RIN2: variants seen among roughly 807,000 people sequenced by gnomAD.
The protein encoded by RIN2 is Ras and Rab interactor 2, also known as RAB5 interacting protein 2.
A neutral mutation model predicts 78.0 loss-of-function variants in RIN2; 36 were observed. The observed-to-expected ratio is 0.46, with a 90% CI of 0.35 to 0.61. The LOEUF (loss-of-function observed/expected upper bound fraction) is 0.61. RIN2 is among the 20% of genes least tolerant of loss of function. The pLI, the probability that RIN2 is intolerant of heterozygous loss-of-function variation, is 0.00. For missense variants in RIN2, 1,087 were observed against 1,159.7 expected (o/e 0.94, Z 0.91); for synonymous variants, 466 against 466.8 (o/e 1.00, Z 0.02).
chr20:19,943,621 T>C (rs566984443), intron 4 of RIN2, among the ~76,000 whole-genome samples: 1 of 152,310 alleles, frequency 6.6e-6, no homozygotes, highest in East Asian at 1.9e-4. Flanking sequence ...ACTTGCTTGC[T>C]CTAGGGAAAC....
At chr20:19,809,636 G>A (rs1394400717) in intron 2 of RIN2, 1 of 152,342 alleles carries the variant, frequency 6.6e-6, no homozygotes, top group Admixed American at 6.5e-5. Context: ...TGATCAGCGA[G>A]CAGGCCTCTC....
intron 3 of RIN2, among the ~76,000 whole-genome samples, chr20:19,923,783 A>G (rs1401490432): frequency 6.6e-6 from 1 of 152,080 alleles, no homozygotes; most frequent in Non-Finnish European, 1.5e-5. Flanking sequence ...ACATACTGTT[A>G]TTTGAGGTAT....
At chr20:19,789,337 T>C (rs1193857987) in intron 1 of RIN2, among the ~76,000 whole-genome samples, 2 of 152,194 alleles carry the variant, frequency 1.3e-5, no homozygotes, top group Non-Finnish European at 2.9e-5. Context: ...AAGAGAAATA[T>C]CTTCGTGAAC....
At position 20,001,041 on chromosome 20, in the gene RIN2, C is replaced by T; in HGVS notation, c.*105C>T. ...GAAAAGCAGTCACCTCCTCGGGGAC[C>T]CCTCAGTGTAGTGACTAAGCCATCC... On this transcript the variant is annotated 3_prime_UTR_variant, in exon 13 of 13. Coordinates refer to ENST00000255006, the MANE Select transcript of RIN2 (RefSeq NM_018993.4). The T allele has an allele frequency of 8.9e-7, 1 of 1,125,256 alleles. No homozygotes were observed. Among genetic ancestry groups the T allele is most frequent in the Non-Finnish European group, 1.2e-6 (1 of 804,834 alleles). 69.7% of individuals were successfully genotyped at this position (1,125,256 alleles called of 1,614,324 possible).
In RIN2 at chr20:19,851,027, AAG is replaced by A. The variant is rs879645722; in HGVS notation, c.-36-38538_-36-38537del. ...GAAGGAAGGAAGGAAGGAAGGAAGGAAGGAAGGAAGGAAGGAAGGAAGGAGAA... is the reference window on the plus strand; with the variant it reads ...GAAGGAAGGAAGGAAGGAAGGAAGGAGAAGGAAGGAAGGAAGGAAGGAGAA... On this transcript the variant is annotated intron_variant, in intron 2 of 12. Coordinates refer to ENST00000255006, the MANE Select transcript of RIN2 (RefSeq NM_018993.4). Among the ~76,000 whole-genome samples, 800 of 109,294 alleles carry A rather than the reference AAG, an allele frequency of 7.3e-3. 3 individuals carry two copies. The highest frequency in any genetic ancestry group is 8.7e-3 in the Non-Finnish European group (458 of 52,872). The allele number at this position is 109,294 out of a possible 152,430, so 71.7% of individuals were successfully genotyped here. A position where few individuals can be genotyped will look rare whatever the true frequency, so the allele number is the denominator to read the frequency against.
At chr20:19,981,016 T>C (rs1184568933) in intron 9 of RIN2, among the ~76,000 whole-genome samples, 1 of 152,258 alleles carries the variant, frequency 6.6e-6, no homozygotes, top group Non-Finnish European at 1.5e-5. Context: ...GTGAGAGCAC[T>C]GGTAATCACT....
intron 2 of RIN2, among the ~76,000 whole-genome samples, chr20:19,863,170 T>A (rs16981233): frequency 0.097 from 14,803 of 152,274 alleles, 1,455 homozygotes; most frequent in African/African-American, 0.25. Flanking sequence ...GTGCAGCCTG[T>A]CATTTATGCA....
Position 19,974,720 on chromosome 20 carries a change from CCGA to C in RIN2, c.698_700del (p.Asp233del). ...CCACCTCCCCATAGGCCTCTTTCCT[CCGA>C]CGGTGTCTGTCCTGCCTCCCTGCGT... On this transcript the variant is annotated inframe_deletion, in exon 9 of 13. Transcript: ENST00000255006. 1 of 1,614,062 alleles carries C rather than the reference CCGA, an allele frequency of 6.2e-7. No individual in the cohort carries two copies. Among genetic ancestry groups the C allele is most frequent in the Non-Finnish European group, 8.5e-7 (1 of 1,179,906 alleles).
intron 1 of RIN2, among the ~76,000 whole-genome samples, chr20:19,769,342 T>C (rs1261823255): frequency 6.6e-6 from 1 of 152,194 alleles, no homozygotes; most frequent in Non-Finnish European, 1.5e-5. Flanking sequence ...CCAGAGAATA[T>C]GAAGATCTGA....
At chr20:19,935,813 G>A (rs368593667) in intron 4 of RIN2, among the ~76,000 whole-genome samples, 23 of 150,872 alleles carry the variant, frequency 1.5e-4, no homozygotes, top group Non-Finnish European at 2.7e-4. Context: ...TGCAAAGGTC[G>A]GGGGGTGGTG....
chr20:19,877,855 CA>C (rs1245877936), intron 2 of RIN2, among the ~76,000 whole-genome samples: 1 of 151,820 alleles, frequency 6.6e-6, no homozygotes, highest in Middle Eastern at 3.2e-3. Context: ...CCTGTCTCTA[CA>C]AAAAAGTCAA....
chr20:19,875,916 T>C (rs1208070389), intron 2 of RIN2, among the ~76,000 whole-genome samples: 3 of 152,208 alleles, frequency 2.0e-5, no homozygotes, highest in African/African-American at 7.2e-5. Context: ...GAGTGACGTT[T>C]CAGCCAGAAG....
At chr20:19,893,591 G>A (rs926128592) in intron 3 of RIN2, among the ~76,000 whole-genome samples, 11 of 152,144 alleles carry the variant, frequency 7.2e-5, no homozygotes, top group Non-Finnish European at 1.2e-4. Flanking sequence ...CATGAGGTGC[G>A]TGGATAACAC....
At chr20:19,824,411 T>A (rs940634665) in intron 2 of RIN2, among the ~76,000 whole-genome samples, 4 of 152,208 alleles carry the variant, frequency 2.6e-5, no homozygotes, top group Non-Finnish European at 5.9e-5. Context: ...GGTATATTTG[T>A]TTTTAAATAA....
chr20:19,836,229 G>A (rs2123043185), intron 2 of RIN2, among the ~76,000 whole-genome samples: 1 of 152,286 alleles, frequency 6.6e-6, no homozygotes, highest in East Asian at 1.9e-4. Flanking sequence ...TGCACTGAGT[G>A]CTCCAGCGAT....
intron 2 of RIN2, among the ~76,000 whole-genome samples, chr20:19,848,639 T>A (rs1294872368): frequency 7.4e-6 from 1 of 136,010 alleles, no homozygotes; most frequent in Non-Finnish European, 1.6e-5. Flanking sequence ...GTAACAATCC[T>A]CTTCCCGGTT....
At chr20:19,757,985 A>G (rs2033441192), upstream of RIN2, 1 of 152,292 alleles carries the variant, frequency 6.6e-6, no homozygotes, top group Non-Finnish European at 1.5e-5. Flanking sequence ...GCTGGCGGTT[A>G]CAGGGAATGG....
In RIN2 at chr20:19,950,549, G is replaced by A. The variant is rs529170924; in HGVS notation, c.159-6066G>A. The stretch of plus-strand genomic sequence containing the variant: ...TATCTCCCTATTTTTTTTCTTTTTA[G>A]GGGGAGCTCATCATTTGACACTTTC... On this transcript the variant is annotated intron_variant, in intron 4 of 12. Transcript: ENST00000255006. Among the ~76,000 whole-genome samples the A allele has an allele frequency of 7.9e-5, 12 of 151,728 alleles. No individual in the cohort carries two copies. In the East Asian group the frequency reaches 2.3e-3, roughly 29 times the overall value.
chr20:19,974,955 G>GC lies in RIN2; in HGVS notation c.935dup (p.Pro313AlafsTer5). ...AGCGGACTCGGTCCCCCCCACCCAG[G>GC]CCCCCGCCACCCGCTATTAATAGTC... On this transcript the variant is annotated frameshift_variant, in exon 9 of 13. Transcript: ENST00000255006. LOFTEE classifies it high-confidence loss of function. The GC allele has an allele frequency of 6.6e-6, 10 of 1,516,906 alleles. No homozygotes were observed. Among genetic ancestry groups the GC allele is most frequent in the Non-Finnish European group, 9.1e-6 (10 of 1,095,078 alleles). The allele number at this position is 1,516,906 out of a possible 1,614,324, so 94.0% of individuals were successfully genotyped here.
Sources: gnomAD v4.1 joint callset for allele counts (sites outside exome capture counted in the v4.1 genomes callset) on GRCh38, gnomAD v4.1.1 for gene constraint, MANE v1.5 for transcripts, NCBI Gene and HGNC (gene_info 2026-07-23, HGNC 2026-07-21) for gene names.